The following USP24 variants were observed in gnomAD, a reference collection of about 807,000 sequenced individuals.
USP24 encodes the protein ubiquitin specific peptidase 24, also known as ubiquitin carboxyl-terminal hydrolase 24.
Under a neutral mutation model 361.6 loss-of-function variants are expected in USP24, and 97 were observed. The ratio of observed to expected loss-of-function variants is 0.27; its 90% CI spans 0.23 to 0.32. The LOEUF (loss-of-function observed/expected upper bound fraction) is 0.32. USP24 is among the 10% of genes least tolerant of loss of function. USP24 has a pLI of 1.00. For synonymous variants in USP24, 1,098 were observed against 1,124.6 expected, an observed-to-expected ratio of 0.98 and a Z score of 0.47; for missense variants, 2,353 against 3,165.6, an observed-to-expected ratio of 0.74 and a Z score of 6.16.
intron 19 of USP24, among the ~76,000 whole-genome samples, chr1:55,146,560 C>A (rs1647034018): frequency 6.6e-6 from 1 of 152,090 alleles, no homozygotes; most frequent in Non-Finnish European, 1.5e-5. Flanking sequence ...AAAATGTGGC[C>A]AGGTACTAAT....
At chr1:55,191,130 C>A (rs546614068) in intron 1 of USP24, among the ~76,000 whole-genome samples, 1 of 152,214 alleles carries the variant, frequency 6.6e-6, no homozygotes, top group East Asian at 1.9e-4. Context: ...TCACTTTTAA[C>A]CTGAAAAATT....
At chr1:55,139,184 A>G (rs1041842539) in intron 24 of USP24, among the ~76,000 whole-genome samples, 174 bp from the exon 25 acceptor site, 1 of 152,202 alleles carries the variant, frequency 6.6e-6, no homozygotes, top group African/African-American at 2.4e-5. Context: ...CTACAAGCTC[A>G]CAGCTGTAGC....
At chr1:55,157,427 A>AGATAGAT (rs1647791838) in intron 10 of USP24, 57 bp from the exon 11 acceptor site, 1 of 941,188 alleles carries the variant, frequency 1.1e-6, no homozygotes, top group Non-Finnish European at 1.5e-6. Context: ...ATATTTATAT[A>AGATAGAT]GATAGATAGA....
At chr1:55,214,339 C>CT (rs1644927373) in intron 1 of USP24, among the ~76,000 whole-genome samples, 1 of 152,048 alleles carries the variant, frequency 6.6e-6, no homozygotes, top group African/African-American at 2.4e-5. Context: ...TCCGCCAATC[C>CT]TTCACTGAAA....
chr1:55,200,627 A>G (rs542130121), intron 1 of USP24, among the ~76,000 whole-genome samples: 2 of 152,250 alleles, frequency 1.3e-5, no homozygotes, highest in African/African-American at 2.4e-5. Context: ...TGTCATCATT[A>G]ATCATTATTA....
chr1:55,083,229 A>G (rs759191831), intron 58 of USP24, 43 bp downstream of exon 58: 34 of 1,576,080 alleles, frequency 2.2e-5, no homozygotes, highest in Admixed American at 6.9e-5. Context: ...AGCGGCTATG[A>G]AAACCATAGC....
intron 1 of USP24, among the ~76,000 whole-genome samples, chr1:55,205,489 A>G (rs1255239329): frequency 3.3e-5 from 5 of 151,936 alleles, no homozygotes; most frequent in African/African-American, 9.7e-5. Flanking sequence ...AAATAACTAT[A>G]TAACATAATA....
chr1:55,195,791 G>A (rs912289800), intron 1 of USP24, among the ~76,000 whole-genome samples: 42 of 152,122 alleles, frequency 2.8e-4, no homozygotes, highest in Non-Finnish European at 2.8e-4. Flanking sequence ...GGAGCTAGGG[G>A]GTAGGGGAAA....
At chr1:55,097,784 GTAAT>G (rs968331366) in intron 47 of USP24, 67 bp from the exon 48 acceptor site, 21 of 1,506,356 alleles carry the variant, frequency 1.4e-5, no homozygotes, top group Admixed American at 5.2e-5. Context: ...AAACAGCACA[GTAAT>G]TAATGCAAAG....
chr1:55,092,132 A>G lies in USP24; in HGVS notation c.6451-6T>C. ...TATGGATGCTTTAATTTAGTCTAAGAGAGGGAAACATGAAAGAGGATATTT... is the reference window on the plus strand; with the variant it reads ...TATGGATGCTTTAATTTAGTCTAAGGGAGGGAAACATGAAAGAGGATATTT... On this transcript the variant is annotated splice_region_variant and splice_polypyrimidine_tract_variant and intron_variant, in intron 53 of 67. Coordinates refer to ENST00000294383, the MANE Select transcript of USP24 (RefSeq NM_015306.3). 1 of 1,595,934 alleles carries G rather than the reference A, an allele frequency of 6.3e-7. No homozygotes were observed. The highest frequency in any genetic ancestry group is 2.2e-5 in the East Asian group (1 of 44,654).
intron 32 of USP24, among the ~76,000 whole-genome samples, chr1:55,128,480 G>A (rs1570480547): frequency 6.6e-6 from 1 of 152,156 alleles, no homozygotes; most frequent in East Asian, 1.9e-4. Flanking sequence ...GACAGGCGAT[G>A]CGTCTTCATG....
chr1:55,121,179 G>A (rs951881340), intron 37 of USP24, among the ~76,000 whole-genome samples: 4 of 152,174 alleles, frequency 2.6e-5, no homozygotes, highest in Non-Finnish European at 5.9e-5. Flanking sequence ...TCAGACACTG[G>A]TTGTAACGTT....
chr1:55,202,486 A>G (rs1401443976), intron 1 of USP24, among the ~76,000 whole-genome samples: 1 of 151,510 alleles, frequency 6.6e-6, no homozygotes, highest in Non-Finnish European at 1.5e-5. Flanking sequence ...CTCACTGCAA[A>G]CTCCGCCTCC....
At chr1:55,188,563 G>C (rs1346239924) in intron 1 of USP24, among the ~76,000 whole-genome samples, 2 of 151,280 alleles carry the variant, frequency 1.3e-5, no homozygotes, top group Non-Finnish European at 2.9e-5. Flanking sequence ...CTCCAAAAAA[G>C]ATACAAGCGG....
In USP24 at chr1:55,113,445, C is replaced by T. The variant is rs535986054; in HGVS notation, c.4509-3199G>A. ...CAGATGGATTCACAGCTGAATTCTA[C>T]CAGAGGTACAAAGAGGAGCTGGTAC... On this transcript the variant is annotated intron_variant, in intron 38 of 67. Coordinates refer to ENST00000294383, the MANE Select transcript of USP24 (RefSeq NM_015306.3). Among the ~76,000 whole-genome samples the T allele has an allele frequency of 3.3e-5, 5 of 152,274 alleles. 1 individual carries two copies. The South Asian group carries it at 1.0e-3, about 32-fold the overall frequency.
intron 64 of USP24, 67 bp downstream of exon 64, chr1:55,073,761 C>T: frequency 7.0e-7 from 1 of 1,433,292 alleles, no homozygotes; most frequent in Non-Finnish European, 9.6e-7. Flanking sequence ...CACATGTTCC[C>T]CTTCTGCTCA....
At chr1:55,152,888 G>A (rs540648278) in intron 16 of USP24, among the ~76,000 whole-genome samples, 10 of 152,244 alleles carry the variant, frequency 6.6e-5, no homozygotes, top group African/African-American at 1.7e-4. Context: ...AGCCCACTGA[G>A]CTAAGAGTCT....
intron 54 of USP24, among the ~76,000 whole-genome samples, chr1:55,090,751 C>A (rs1381299132): frequency 6.6e-6 from 1 of 152,202 alleles, no homozygotes; most frequent in Non-Finnish European, 1.5e-5. Context: ...TTATCCAGAA[C>A]CTATAATGTG....
chr1:55,207,282 A>G (rs1305535655), intron 1 of USP24, among the ~76,000 whole-genome samples: 32 of 82,904 alleles, frequency 3.9e-4, no homozygotes, highest in South Asian at 9.6e-4. Context: ...TGGAAAGGGG[A>G]AAAAAAAAAA....
Sources: allele counts gnomAD v4.1 joint callset (sites outside exome capture counted in the v4.1 genomes callset), GRCh38; gene constraint gnomAD v4.1.1; transcripts MANE v1.5; gene names NCBI Gene and HGNC (gene_info 2026-07-23, HGNC 2026-07-21).